TRIP12: variants seen among roughly 807,000 people sequenced by gnomAD.
TRIP12 encodes E3 ubiquitin-protein ligase TRIP12.
A neutral mutation model predicts 244.2 loss-of-function variants in TRIP12; 25 were observed. The ratio of observed to expected loss-of-function variants is 0.10; its 90% CI spans 0.07 to 0.14. The LOEUF is 0.14. Among genes scored for constraint, TRIP12 ranks in the 10% least tolerant of loss-of-function variants. TRIP12 has a pLI of 1.00. For missense variants in TRIP12, 1,677 were observed against 2,486.4 expected (o/e 0.67, Z 6.92); for synonymous variants, 905 against 873.1 (o/e 1.04, Z -0.64).
At chr2:229,899,138 C>CT (rs111258024) in intron 1 of TRIP12, among the ~76,000 whole-genome samples, 4 of 152,272 alleles carry the variant, frequency 2.6e-5, no homozygotes, top group African/African-American at 7.2e-5. Context: ...CAAATTTCTT[C>CT]TTTTTTTAAT....
chr2:229,856,326 G>T (rs2059608939), intron 4 of TRIP12, among the ~76,000 whole-genome samples: 1 of 152,192 alleles, frequency 6.6e-6, no homozygotes, highest in African/African-American at 2.4e-5. Flanking sequence ...GTGCTGAGCA[G>T]GCTTAATGGA....
chr2:229,823,589 T>A (rs2050682566), intron 8 of TRIP12, among the ~76,000 whole-genome samples: 1 of 150,978 alleles, frequency 6.6e-6, no homozygotes, highest in South Asian at 2.1e-4. Context: ...CGCAGAAGAA[T>A]GGCGTGAACC....
At chr2:229,890,080 CTTT>C (rs11303479) in intron 1 of TRIP12, among the ~76,000 whole-genome samples, 106 of 130,112 alleles carry the variant, frequency 8.1e-4, no homozygotes, top group Admixed American at 2.2e-3. Flanking sequence ...GAGGTTAACT[CTTT>C]TTTTTTTTTT....
At chr2:229,842,589 AGT>A (rs1161327759) in intron 4 of TRIP12, among the ~76,000 whole-genome samples, 7 of 151,554 alleles carry the variant, frequency 4.6e-5, no homozygotes, top group Admixed American at 4.6e-4. Context: ...ACCAAAAAAC[AGT>A]GTTTTTGCTT....
chr2:229,827,894 ATTC>A (rs1170282562), intron 8 of TRIP12, among the ~76,000 whole-genome samples: 1 of 152,172 alleles, frequency 6.6e-6, no homozygotes, highest in African/African-American at 2.4e-5. Flanking sequence ...GCCCAAGACA[ATTC>A]TTCTTCTTCC....
chr2:229,799,465 G>T, intron 21 of TRIP12, 82 bp from the exon 22 acceptor site: 1 of 1,261,440 alleles, frequency 7.9e-7, no homozygotes, highest in Non-Finnish European at 1.2e-6. Context: ...AACTAAAATG[G>T]CAGAAACAGG....
rs199953208 is a variant in TRIP12 at position 229,769,470 on chromosome 2, A to T, written c.5809-145T>A. ...GGGACCTCTTTCCAAAAAAAAAAAAATAATAATAAAATAAAATAAAATTTA... is the reference window on the plus strand; with the variant it reads ...GGGACCTCTTTCCAAAAAAAAAAAATTAATAATAAAATAAAATAAAATTTA... On this transcript the variant is annotated intron_variant, in intron 39 of 41. Coordinates refer to ENST00000675903, the MANE Select transcript of TRIP12 (RefSeq NM_001348323.3). The T allele has an allele frequency of 1.7e-3, 605 of 347,880 alleles. 3 individuals are homozygous for T. The East Asian group carries it at 0.021, about 12-fold the overall frequency. 21.5% of individuals were successfully genotyped at this position (347,880 alleles called of 1,614,324 possible).
chr2:229,853,676 T>A (rs1221293047), intron 4 of TRIP12, among the ~76,000 whole-genome samples: 2 of 132,354 alleles, frequency 1.5e-5, no homozygotes, highest in African/African-American at 5.1e-5. Context: ...AATAAATAAA[T>A]AAAATACATA....
chr2:229,855,615 AAAAAAAAAAG>A (rs977768656), intron 4 of TRIP12, among the ~76,000 whole-genome samples: 13 of 124,700 alleles, frequency 1.0e-4, no homozygotes, highest in Non-Finnish European at 1.4e-4. Flanking sequence ...AAAAAAAAAA[AAAAAAAAAAG>A]AGAAAAGAAA....
chr2:229,799,174 A>G, intron 22 of TRIP12, 109 bp downstream of exon 22: 1 of 1,505,276 alleles, frequency 6.6e-7, no homozygotes. Flanking sequence ...CTTAGTCCTC[A>G]GGAAACTTAG....
At chr2:229,920,052 TC>T (rs1409194041) in intron 1 of TRIP12, among the ~76,000 whole-genome samples, 2 of 152,172 alleles carry the variant, frequency 1.3e-5, no homozygotes, top group Non-Finnish European at 2.9e-5. Flanking sequence ...CTCTGCTAAT[TC>T]CATTCCTCAA....
At chr2:229,874,512 C>A (rs996228823) in intron 2 of TRIP12, among the ~76,000 whole-genome samples, 11 of 151,908 alleles carry the variant, frequency 7.2e-5, no homozygotes, top group African/African-American at 2.7e-4. Context: ...ACCTAGAGGC[C>A]CAAATTTAAA....
At chr2:229,812,785 A>C (rs561827744) in intron 13 of TRIP12, among the ~76,000 whole-genome samples, 7 of 152,340 alleles carry the variant, frequency 4.6e-5, no homozygotes, top group Admixed American at 4.6e-4. Flanking sequence ...TGGGCAACAG[A>C]GTAAGACTCA....
intron 1 of TRIP12, among the ~76,000 whole-genome samples, chr2:229,911,011 A>T (rs2074170891): frequency 6.6e-6 from 1 of 152,232 alleles, no homozygotes; most frequent in Non-Finnish European, 1.5e-5. Context: ...GAGCAGGGTC[A>T]AATTCCCTTG....
At chr2:229,837,061 T>C in intron 5 of TRIP12, 77 bp from the exon 6 acceptor site, 1 of 1,339,462 alleles carries the variant, frequency 7.5e-7, no homozygotes, top group Non-Finnish European at 9.6e-7. Context: ...AAAGCTCAAA[T>C]TCATGGAGCA....
intron 1 of TRIP12, among the ~76,000 whole-genome samples, chr2:229,911,859 G>A (rs1362061039): frequency 1.3e-5 from 2 of 151,726 alleles, no homozygotes; most frequent in East Asian, 1.9e-4. Flanking sequence ...TTATCCCAGA[G>A]TCAGTAATGG....
At chr2:229,769,448 A>G in intron 39 of TRIP12, 123 bp from the exon 40 acceptor site, 1 of 506,478 alleles carries the variant, frequency 2.0e-6, no homozygotes. Context: ...TCTGCTTGGG[A>G]CCTCTTTCCA....
chr2:229,922,578 A>C (rs183069679), upstream of TRIP12: 5 of 1,614,030 alleles, frequency 3.1e-6, no homozygotes, highest in African/African-American at 6.7e-5. Context: ...CCTAGCAAAG[A>C]CTATTACCAG....
intron 8 of TRIP12, among the ~76,000 whole-genome samples, chr2:229,822,058 T>C (rs1408786655): frequency 6.6e-6 from 1 of 152,182 alleles, no homozygotes; most frequent in Non-Finnish European, 1.5e-5. Context: ...AAGAATCACT[T>C]GAACTCGGGA....
Sources: allele counts gnomAD v4.1 joint callset (sites outside exome capture counted in the v4.1 genomes callset), GRCh38; gene constraint gnomAD v4.1.1; transcripts MANE v1.5; gene names NCBI Gene and HGNC (gene_info 2026-07-23, HGNC 2026-07-21).